The following TMCO4 variants were observed in gnomAD, a reference collection of about 807,000 sequenced individuals.
TMCO4 encodes the protein transmembrane and coiled-coil domain-containing protein 4.
TMCO4 carries 58 observed loss-of-function variants against 64.7 expected under a neutral mutation model. The ratio of observed to expected loss-of-function variants is 0.90; its 90% CI spans 0.73 to 1.12. TMCO4 has a LOEUF of 1.12. Ranked by LOEUF, TMCO4 falls within the 50% of genes most tolerant of loss-of-function variation. TMCO4 has a pLI of 0.00. For synonymous variants in TMCO4, 325 were observed against 346.1 expected, an observed-to-expected ratio of 0.94 and a Z score of 0.68; for missense variants, 780 against 825.9, an observed-to-expected ratio of 0.94 and a Z score of 0.68.
At chr1:19,719,164 T>C (rs1327967349) in intron 13 of TMCO4, among the ~76,000 whole-genome samples, 5 of 152,174 alleles carry the variant, frequency 3.3e-5, no homozygotes, top group African/African-American at 4.8e-5. Context: ...CTCCTCATGG[T>C]CCGGGTTTGT....
At chr1:19,761,006 C>T (rs1292982871) in intron 6 of TMCO4, among the ~76,000 whole-genome samples, 1 of 152,224 alleles carries the variant, frequency 6.6e-6, no homozygotes, top group Non-Finnish European at 1.5e-5. Context: ...TCATTTATCA[C>T]CTACTCATCT....
chr1:19,691,402 A>T (rs1479659820), intron 15 of TMCO4, among the ~76,000 whole-genome samples: 1 of 152,136 alleles, frequency 6.6e-6, no homozygotes, highest in Admixed American at 6.5e-5. Context: ...GGCCCAGGTG[A>T]CCTCTGGGCA....
At chr1:19,742,105 C>T (rs543160787) in intron 10 of TMCO4, among the ~76,000 whole-genome samples, 1 of 152,268 alleles carries the variant, frequency 6.6e-6, no homozygotes, top group East Asian at 1.9e-4. Context: ...GCTCCCAGAT[C>T]GTACATCAGT....
intron 9 of TMCO4, among the ~76,000 whole-genome samples, chr1:19,746,246 A>C (rs1286457494): frequency 2.6e-5 from 4 of 152,300 alleles, no homozygotes; most frequent in South Asian, 4.1e-4. Context: ...ACTACACACA[A>C]GGTGCATGGG....
At chr1:19,781,527 A>C (rs2043477086) in intron 3 of TMCO4, among the ~76,000 whole-genome samples, 1 of 152,040 alleles carries the variant, frequency 6.6e-6, no homozygotes, top group Admixed American at 6.5e-5. Flanking sequence ...TAGTCATCAG[A>C]GAAATGGAAA....
At chr1:19,751,118 C>T (rs2042004342) in intron 7 of TMCO4, among the ~76,000 whole-genome samples, 1 of 152,228 alleles carries the variant, frequency 6.6e-6, no homozygotes, top group African/African-American at 2.4e-5. Context: ...CCATTTCCAA[C>T]TCCCCATCCT....
intron 4 of TMCO4, among the ~76,000 whole-genome samples, chr1:19,776,619 A>G (rs552606720): frequency 7.2e-5 from 11 of 152,154 alleles, no homozygotes; most frequent in Non-Finnish European, 1.5e-4. Flanking sequence ...ATCAACACAT[A>G]CCCTCCTTAC....
At chr1:19,751,275 A>G (rs1298523618) in intron 7 of TMCO4, among the ~76,000 whole-genome samples, 1 of 152,216 alleles carries the variant, frequency 6.6e-6, no homozygotes, top group Admixed American at 6.5e-5. Flanking sequence ...TGAAAACCAG[A>G]GAGGTACAGG....
intron 7 of TMCO4, among the ~76,000 whole-genome samples, chr1:19,752,020 C>T (rs1027565957): frequency 1.3e-5 from 2 of 151,734 alleles, no homozygotes; most frequent in Non-Finnish European, 2.9e-5. Flanking sequence ...TGCACTCCAG[C>T]CTGGGTGACA....
At chr1:19,701,003 CGTGGACAATCATGTGCAAATGTGCATGT>C in intron 13 of TMCO4, 118 bp from the exon 14 acceptor site, 1 of 770,576 alleles carries the variant, frequency 1.3e-6, no homozygotes, top group South Asian at 1.7e-5. Context: ...CACACGTGAA[CGTGGACAATCATGTGCAAATGTGCATGT>C]ACACACATGC....
chr1:19,723,757 GC>G (rs759560554), intron 13 of TMCO4, among the ~76,000 whole-genome samples: 1 of 152,244 alleles, frequency 6.6e-6, no homozygotes, highest in South Asian at 2.1e-4. Flanking sequence ...CTGAGCTGGG[GC>G]CCTGGAAGCT....
chr1:19,778,767 A>T (rs1034891298), intron 4 of TMCO4, among the ~76,000 whole-genome samples: 4 of 152,138 alleles, frequency 2.6e-5, no homozygotes, highest in African/African-American at 9.7e-5. Flanking sequence ...GCCAGCATTA[A>T]CCTACCTCTT....
At chr1:19,796,010 C>T (rs1165020132) in intron 2 of TMCO4, among the ~76,000 whole-genome samples, 2 of 152,218 alleles carry the variant, frequency 1.3e-5, no homozygotes, top group African/African-American at 4.8e-5. Flanking sequence ...CCTCGGGCCT[C>T]AGCTCAGGCT....
intron 4 of TMCO4, among the ~76,000 whole-genome samples, chr1:19,772,848 TAG>T (rs2043044879): frequency 6.6e-6 from 1 of 152,100 alleles, no homozygotes; most frequent in Non-Finnish European, 1.5e-5. Context: ...TCACATTCCT[TAG>T]AGTGGGACCG....
rs1459612855 is a variant in TMCO4 at position 19,771,452 on chromosome 1, C to G, written c.210G>C (p.Leu70=). 1.2e-6 allele frequency: 2 copies of G among 1,614,112 alleles called. No homozygotes were observed. The highest frequency in any genetic ancestry group is 1.3e-5 in the African/African-American group (1 of 75,034). The change falls in exon 5 of 16, where the codon CTG becomes CTC. Residue 70 remains leucine, a synonymous_variant. Coordinates refer to ENST00000294543, the MANE Select transcript of TMCO4 (RefSeq NM_181719.7). ...CTTCAGACAACTCCAGCCACTGCAC[C>G]AGGCCTGCCATGAACTCTGTGCAGA... ...SSFCTEFMAG[L]VQWLELSEAV...
chr1:19,729,271 T>C (rs894373655), intron 13 of TMCO4, among the ~76,000 whole-genome samples: 2 of 151,904 alleles, frequency 1.3e-5, no homozygotes, highest in East Asian at 3.9e-4. Flanking sequence ...TGCCTCCGCC[T>C]GCCAAGTAGC....
intron 15 of TMCO4, 80 bp from the exon 16 acceptor site, chr1:19,683,524 G>A: frequency 2.6e-6 from 4 of 1,523,110 alleles, no homozygotes; most frequent in Non-Finnish European, 2.7e-6. Context: ...AAACTTCTGG[G>A]CCTCAGCCTT....
At chr1:19,747,311 G>A (rs2041839979) in intron 7 of TMCO4, 51 bp from the exon 8 acceptor site, 1 of 1,513,608 alleles carries the variant, frequency 6.6e-7, no homozygotes, top group Non-Finnish European at 9.1e-7. Context: ...AGGATCCCTT[G>A]AGACATCCCC....
chr1:19,763,929 C>G (rs1006546217), intron 6 of TMCO4, among the ~76,000 whole-genome samples: 4 of 152,196 alleles, frequency 2.6e-5, no homozygotes, highest in African/African-American at 9.7e-5. Context: ...CTCAGGACAT[C>G]TTGGGGATGA....
Sources: allele counts gnomAD v4.1 joint callset (sites outside exome capture counted in the v4.1 genomes callset), GRCh38; gene constraint gnomAD v4.1.1; transcripts MANE v1.5; gene names NCBI Gene and HGNC (gene_info 2026-07-23, HGNC 2026-07-21).